Variants in ZNF320 observed in about 807,000 individuals in gnomAD.
ZNF320 encodes the protein zinc finger gene 320.
Under a neutral mutation model 6.8 loss-of-function variants are expected in ZNF320, and 2 were observed. The ratio of observed to expected loss-of-function variants is 0.29; its 90% CI spans 0.12 to 0.93. The LOEUF (loss-of-function observed/expected upper bound fraction) is 0.93. Ranked by LOEUF, ZNF320 falls within the 40% of genes least tolerant of loss-of-function variation. The probability of loss-of-function intolerance (pLI) is 0.55; values close to 1 mark genes in which losing one functional copy is unlikely to be tolerated. For synonymous variants in ZNF320, 208 were observed against 203.2 expected (o/e 1.02, Z -0.20); for missense variants, 472 against 611.0 (o/e 0.77, Z 2.40).
chr19:52,860,336 C>G (rs2063480417), downstream of ZNF320, among the ~76,000 whole-genome samples: 1 of 152,062 alleles, frequency 6.6e-6, no homozygotes, highest in Non-Finnish European at 1.5e-5. Context: ...CGGTGGCTCA[C>G]TCCTGCAATA....
chr19:52,883,798 A>G, intron 5 of ZNF320: 2 of 316,090 alleles, frequency 6.3e-6, no homozygotes, highest in Non-Finnish European at 1.2e-5. Flanking sequence ...CTACTTGGGA[A>G]TCTGAGGCAG....
At chr19:52,873,733 C>T (rs748830433), downstream of ZNF320, among the ~76,000 whole-genome samples, 4 of 152,156 alleles carry the variant, frequency 2.6e-5, no homozygotes, top group South Asian at 2.1e-4. Context: ...CACCATGGGG[C>T]CCACACCCCA....
At position 52,880,925 on chromosome 19, in the gene ZNF320, C is replaced by T. The variant is rs532293032; in HGVS notation, c.1201G>A (p.Ala401Thr). ...GKVFSTKAYL[A>T]CHQKLHTGEK... ...CCAGTATGAAGTTTTTGATGACATG[C>T]GAGGTACGCTTTTGTACTAAAAACC... Residue 401 changes from alanine (A) to threonine (T), a missense_variant, in exon 6 of 6, where the codon GCA becomes ACA. By Grantham distance (58) the Ala-to-Thr change is moderately conservative. Transcript: ENST00000682928. The T allele has an allele frequency of 6.2e-6, 10 of 1,613,350 alleles. No individual in the cohort carries two copies. Among genetic ancestry groups the T allele is most frequent in the South Asian group, 5.5e-5 (5 of 91,042 alleles).
chr19:52,898,218 G>A (rs2064530515), upstream of ZNF320, among the ~76,000 whole-genome samples: 3 of 152,186 alleles, frequency 2.0e-5, no homozygotes, highest in Admixed American at 6.5e-5. Context: ...CATTCACTGG[G>A]GTGGGAGAAT....
chr19:52,892,786 C>T (rs1336633804), intron 2 of ZNF320, among the ~76,000 whole-genome samples: 7 of 151,740 alleles, frequency 4.6e-5, no homozygotes, highest in East Asian at 1.9e-4. Flanking sequence ...CACCCCAGAT[C>T]CCCAGGTGTC....
At chr19:52,866,499 G>T (rs1341115879) in intron 5 of ZNF320, among the ~76,000 whole-genome samples, 4 of 152,012 alleles carry the variant, frequency 2.6e-5, no homozygotes, top group Non-Finnish European at 5.9e-5. Flanking sequence ...CAAGGAGGAT[G>T]AAAAACAGCA....
At chr19:52,872,628 A>C (rs1420691497), downstream of ZNF320, among the ~76,000 whole-genome samples, 1 of 152,108 alleles carries the variant, frequency 6.6e-6, no homozygotes, top group Non-Finnish European at 1.5e-5. Flanking sequence ...CAGCCTCCCA[A>C]GTAGCTGGAA....
At position 52,878,353 on chromosome 19, in the gene ZNF320, C is replaced by T. The variant is rs1370827355; in HGVS notation, c.*2243G>A. The stretch of plus-strand genomic sequence containing the variant: ...CAAGCTCCACCTCCTCGGTTCATGC[C>T]ATTCTCCTGCCTCAGCCTCCTGAGT... On this transcript the variant is annotated 3_prime_UTR_variant, in exon 6 of 6. Transcript: ENST00000682928. The T allele has an allele frequency of 6.6e-6, 1 of 150,664 alleles. No homozygotes were observed. The highest frequency in any genetic ancestry group is 1.5e-5 in the Non-Finnish European group (1 of 68,020). The allele number at this position is 150,664 out of a possible 1,614,324, so 9.3% of individuals were successfully genotyped here. A position where few individuals can be genotyped will look rare whatever the true frequency, so the allele number is the denominator to read the frequency against.
At position 52,881,757 on chromosome 19, in the gene ZNF320, T is replaced by C. The variant is rs1299112363; in HGVS notation, c.369A>G (p.Thr123=). The change falls in exon 6 of 6, where the codon ACA becomes ACG. Residue 123 remains threonine, a synonymous_variant. Transcript: ENST00000682928. ...MTEIKKLTSS[T]DRYDQRHAGN... ...CAGCATGCCTTTGATCATATCGGTC[T>C]GTACTACTAGTCAACTTTTTTATTT... 5.0e-6 allele frequency: 8 copies of C among 1,614,026 alleles called. No homozygotes were observed. The highest frequency in any genetic ancestry group is 1.1e-5 in the South Asian group (1 of 91,078).
intron 5 of ZNF320, among the ~76,000 whole-genome samples, chr19:52,869,521 A>C (rs994895076): frequency 5.3e-5 from 8 of 152,116 alleles, no homozygotes; most frequent in Admixed American, 2.6e-4. Flanking sequence ...TAATAACAAT[A>C]ATAATAATAA....
chr19:52,865,397 C>G, intron 5 of ZNF320: 1 of 301,770 alleles, frequency 3.3e-6, no homozygotes, highest in Non-Finnish European at 6.4e-6. Flanking sequence ...TCCCAAATCA[C>G]GGCCCTGTAT....
At chr19:52,884,051 C>T (rs1266749477) in intron 5 of ZNF320, among the ~76,000 whole-genome samples, 1 of 152,124 alleles carries the variant, frequency 6.6e-6, no homozygotes, top group Non-Finnish European at 1.5e-5. Context: ...TTTATAGAGA[C>T]ATTAAAGAGC....
rs575789459 is a variant in ZNF320, at chr19:52,870,471, C to G, written c.223+3521G>C. 1.9e-3 allele frequency among the ~76,000 whole-genome samples: 196 copies of G among 100,562 alleles called. 1 individual carries two copies. Among genetic ancestry groups the G allele is most frequent in the African/African-American group, 6.5e-3 (186 of 28,452 alleles). The allele number at this position is 100,562 out of a possible 152,430, so 66.0% of individuals were successfully genotyped here. ...CCAGCCTGGGCAACAGAGCCAGACT[C>G]CGTCTCAAAAAAAAAAAAAAAAAAG... On this transcript the variant is annotated intron_variant, in intron 5 of 5. Coordinates refer to the ZNF320 transcript ENST00000673631.
chr19:52,896,578 G>C (rs2064480334), intron 1 of ZNF320, among the ~76,000 whole-genome samples: 1 of 151,960 alleles, frequency 6.6e-6, no homozygotes, highest in African/African-American at 2.4e-5. Flanking sequence ...GTGTGGTGGC[G>C]CGCGGCTGTG....
intron 5 of ZNF320, among the ~76,000 whole-genome samples, chr19:52,866,841 G>A (rs1191813750): frequency 6.9e-6 from 1 of 145,554 alleles, no homozygotes; most frequent in Non-Finnish European, 1.5e-5. Flanking sequence ...CCTGTTGACA[G>A]GGTGAGACAC....
downstream of ZNF320, among the ~76,000 whole-genome samples, chr19:52,860,497 G>A (rs989217847): frequency 2.0e-5 from 3 of 151,194 alleles, no homozygotes; most frequent in African/African-American, 7.3e-5. Flanking sequence ...TCCTCAGGAT[G>A]CTGAGGAAGT....
chr19:52,876,076 A>G (rs2063759994), downstream of ZNF320: 1 of 152,206 alleles, frequency 6.6e-6, no homozygotes, highest in Admixed American at 6.5e-5. Context: ...GAACATCTGC[A>G]AAGAATATTA....
chr19:52,863,139 T>A (rs2063495717), exon 6 of ZNF320, among the ~76,000 whole-genome samples: 1 of 152,120 alleles, frequency 6.6e-6, no homozygotes, highest in South Asian at 2.1e-4. Flanking sequence ...TTTGTATTTT[T>A]AGTAGAGACA....
chr19:52,881,222 T>C lies in ZNF320; in HGVS notation c.904A>G (p.Lys302Glu). 1 of 1,614,160 alleles carries C rather than the reference T, an allele frequency of 6.2e-7. No individual in the cohort carries two copies. Among genetic ancestry groups the C allele is most frequent in the Non-Finnish European group, 8.5e-7 (1 of 1,180,034 alleles). The change falls in exon 6 of 6, where the codon AAG (lysine) becomes GAG (glutamate). Residue 302 changes from lysine (K) to glutamate (E), a missense_variant. This residue lies in a region of ZNF320 where 462 missense variants were observed against 559.7 expected (regional missense o/e 0.83). Coordinates refer to ENST00000682928, the MANE Select transcript of ZNF320 (RefSeq NM_001351774.2). ...AAAACCTTGCCACATTCATTACACT[T>C]ATAGGGTTTCTCTGCAGTATGAACT... ...KAVHTAEKPY[K>E]CNECGKVFKQ...
Sources: gnomAD v4.1 joint callset for allele counts (sites outside exome capture counted in the v4.1 genomes callset) on GRCh38, gnomAD v4.1.1 for gene constraint, gnomAD v4.1.1 regional missense constraint, MANE v1.5 for transcripts, NCBI Gene and HGNC (gene_info 2026-07-23, HGNC 2026-07-21) for gene names.